EXOSC9: variants seen among roughly 807,000 people sequenced by gnomAD.
EXOSC9 encodes exosome complex component RRP45.
EXOSC9 carries 38 observed loss-of-function variants against 56.5 expected under a neutral mutation model. The observed-to-expected ratio is 0.67, with a 90% CI of 0.52 to 0.88. EXOSC9 has a LOEUF of 0.88. Among genes scored for constraint, EXOSC9 ranks in the 40% least tolerant of loss-of-function variants. The pLI, the probability that EXOSC9 is intolerant of heterozygous loss-of-function variation, is 0.00. For synonymous variants in EXOSC9, 170 were observed against 170.8 expected (o/e 0.99, Z 0.04); for missense variants, 559 against 530.5 (o/e 1.05, Z -0.53).
chr4:121,811,098 T>G (rs183745751), intron 7 of EXOSC9, among the ~76,000 whole-genome samples: 1 of 152,226 alleles, frequency 6.6e-6, no homozygotes, highest in Non-Finnish European at 1.5e-5. Context: ...GCAAATGATT[T>G]TATATCTTTG....
intron 10 of EXOSC9, 164 bp downstream of exon 10, chr4:121,814,211 A>G: frequency 2.1e-6 from 1 of 469,928 alleles, no homozygotes; most frequent in Non-Finnish European, 3.8e-6. Context: ...TAAATAACAT[A>G]CAGGATACTA....
rs1726901135 is a variant in EXOSC9 at position 121,802,659 on chromosome 4, ACTTTAT to A, written c.162-10_162-5del. ...GAGTCTATTTGGTTAATACTTTGTA[ACTTTAT>A]CTTTGCAGAGTTCTTGGACAGGTTT... is the stretch of plus-strand genomic sequence containing the variant. On this transcript the variant is annotated splice_polypyrimidine_tract_variant and intron_variant, in intron 2 of 11. Coordinates refer to ENST00000243498, the MANE Select transcript of EXOSC9 (RefSeq NM_005033.3). The A allele has an allele frequency of 6.2e-7, 1 of 1,611,326 alleles. No individual in the cohort carries two copies. The highest frequency in any genetic ancestry group is 8.5e-7 in the Non-Finnish European group (1 of 1,179,376).
intron 11 of EXOSC9, 68 bp from the exon 12 acceptor site, chr4:121,816,704 T>C (rs1724527424): frequency 6.9e-7 from 1 of 1,449,280 alleles, no homozygotes; most frequent in Admixed American, 2.9e-5. Flanking sequence ...AACTAAGAAA[T>C]GCCTCTTATT....
chr4:121,801,991 G>A, intron 2 of EXOSC9, 70 bp downstream of exon 2: 1 of 1,094,618 alleles, frequency 9.1e-7, no homozygotes, highest in African/African-American at 1.6e-5. Context: ...TGACTTGGTT[G>A]TTTATAAAGC....
Position 121,802,664 on chromosome 4 carries a change from A to G in EXOSC9, c.162-10A>G. 6.2e-7 allele frequency: 1 copy of G among 1,611,840 alleles called. No homozygotes were observed. Among genetic ancestry groups the G allele is most frequent in the Non-Finnish European group, 8.5e-7 (1 of 1,179,430 alleles). The stretch of plus-strand genomic sequence containing the variant: ...TATTTGGTTAATACTTTGTAACTTT[A>G]TCTTTGCAGAGTTCTTGGACAGGTT... On this transcript the variant is annotated splice_polypyrimidine_tract_variant and intron_variant, in intron 2 of 11. Coordinates refer to ENST00000243498, the MANE Select transcript of EXOSC9 (RefSeq NM_005033.3).
At chr4:121,802,166 A>G (rs1431523259) in intron 2 of EXOSC9, among the ~76,000 whole-genome samples, 4 of 152,214 alleles carry the variant, frequency 2.6e-5, no homozygotes, top group Non-Finnish European at 4.4e-5. Flanking sequence ...CGTATAGACA[A>G]CTAGTAGTGA....
chr4:121,816,058 A>G (rs1724487875), intron 10 of EXOSC9: 1 of 834,918 alleles, frequency 1.2e-6, no homozygotes, highest in Non-Finnish European at 1.7e-6. Context: ...CATGGGTTCA[A>G]GCGATTCTCA....
intron 10 of EXOSC9, chr4:121,814,873 A>C (rs1724430474): frequency 6.6e-6 from 1 of 152,176 alleles, no homozygotes; most frequent in African/African-American, 2.4e-5. Flanking sequence ...AAAAAAGCAA[A>C]TTCTTGCTGG....
At position 121,811,597 on chromosome 4, in the gene EXOSC9, TA is replaced by T. The variant is rs748953089; in HGVS notation, c.757del (p.Ile253SerfsTer4). The stretch of plus-strand genomic sequence containing the variant: ...TTTATAAATAGGTTCTGAGATGCAG[TA>T]AAATCGCTGGTGTGAAAGTAGCAGA... ...LLKDQVLRCSKIAGVKVAEIT... is the reference protein window; with the variant it reads ...LLKDQVLRCSXIAGVKVAEIT... On this transcript the variant is annotated frameshift_variant, in exon 8 of 12. Transcript: ENST00000243498. LOFTEE classifies it high-confidence loss of function. The T allele has an allele frequency of 1.9e-6, 3 of 1,584,112 alleles. No homozygotes were observed. Among genetic ancestry groups the T allele is most frequent in the Admixed American group, 1.8e-5 (1 of 57,024 alleles).
At chr4:121,815,557 T>A (rs1724465508) in intron 10 of EXOSC9, 1 of 985,226 alleles carries the variant, frequency 1.0e-6, no homozygotes, top group African/African-American at 1.7e-5. Context: ...ATGGGCAAAA[T>A]ACATGGAGCA....
intron 9 of EXOSC9, 82 bp from the exon 10 acceptor site, chr4:121,813,784 C>A (rs377612914): frequency 7.7e-6 from 8 of 1,044,244 alleles, no homozygotes; most frequent in African/African-American, 1.6e-5. Flanking sequence ...ATCAATCTTA[C>A]AAGAAGAAAA....
At chr4:121,805,310 A>G (rs1399276121) in intron 5 of EXOSC9, among the ~76,000 whole-genome samples, 1 of 152,250 alleles carries the variant, frequency 6.6e-6, no homozygotes, top group Non-Finnish European at 1.5e-5. Flanking sequence ...CTTAGGTAAT[A>G]CTGATGTTGC....
chr4:121,811,704 T>C (rs781481165), intron 8 of EXOSC9, 33 bp downstream of exon 8: 1 of 1,081,900 alleles, frequency 9.2e-7, no homozygotes, highest in South Asian at 1.7e-5. Flanking sequence ...AGTGGTCTTT[T>C]ATTTTCATTT....
intron 4 of EXOSC9, 85 bp downstream of exon 4, chr4:121,803,102 T>G: frequency 1.0e-6 from 1 of 954,266 alleles, no homozygotes; most frequent in Non-Finnish European, 1.7e-6. Flanking sequence ...TTCTCAGAAC[T>G]TTAGTTAACT....
intron 7 of EXOSC9, among the ~76,000 whole-genome samples, 171 bp downstream of exon 7, chr4:121,810,270 A>C (rs377723158): frequency 1.4e-4 from 22 of 152,218 alleles, no homozygotes; most frequent in African/African-American, 5.3e-4. Flanking sequence ...ACTGGTGGCT[A>C]TGAGGTATCC....
At chr4:121,810,606 C>T (rs1453616656) in intron 7 of EXOSC9, among the ~76,000 whole-genome samples, 2 of 152,016 alleles carry the variant, frequency 1.3e-5, no homozygotes, top group African/African-American at 2.4e-5. Context: ...TGCTTGAATC[C>T]GGGAGGCAGA....
At chr4:121,813,517 C>A (rs1724333489) in intron 9 of EXOSC9, 137 bp downstream of exon 9, 2 of 756,808 alleles carry the variant, frequency 2.6e-6, no homozygotes, top group African/African-American at 1.7e-5. Flanking sequence ...ACTTAAAATA[C>A]AAGATAGAGA....
intron 10 of EXOSC9, 103 bp from the exon 11 acceptor site, chr4:121,816,266 T>TA (rs1186524619): frequency 5.6e-6 from 4 of 716,260 alleles, no homozygotes; most frequent in Non-Finnish European, 8.9e-6. Flanking sequence ...GCCCCAGAAA[T>TA]AAGAGTTTAG....
intron 10 of EXOSC9, 119 bp downstream of exon 10, chr4:121,814,166 TATAGC>T: frequency 3.3e-6 from 2 of 613,642 alleles, no homozygotes; most frequent in Non-Finnish European, 5.6e-6. Context: ...TATAGTAATA[TATAGC>T]ATATTAGCTA....
Sources: allele counts gnomAD v4.1 joint callset (sites outside exome capture counted in the v4.1 genomes callset), GRCh38; gene constraint gnomAD v4.1.1; transcripts MANE v1.5; gene names NCBI Gene and HGNC (gene_info 2026-07-23, HGNC 2026-07-21).